ADAMTS19: variants seen among roughly 807,000 people sequenced by gnomAD.
The protein encoded by ADAMTS19 is ADAM metallopeptidase with thrombospondin type 1 motif 19.
ADAMTS19 carries 93 observed loss-of-function variants against 153.3 expected under a neutral mutation model. That is an observed-to-expected ratio of 0.61 (90% confidence interval 0.51 to 0.72). The LOEUF is 0.72. Among genes scored for constraint, ADAMTS19 ranks in the 30% least tolerant of loss-of-function variants. The pLI, the probability that ADAMTS19 is intolerant of heterozygous loss-of-function variation, is 0.00. For synonymous variants in ADAMTS19, 600 were observed against 556.6 expected (o/e 1.08, Z -1.10); for missense variants, 1,482 against 1,552.1 (o/e 0.95, Z 0.76).
At chr5:129,470,299 A>G (rs1187276796) in intron 2 of ADAMTS19, among the ~76,000 whole-genome samples, 1 of 152,194 alleles carries the variant, frequency 6.6e-6, no homozygotes, top group Non-Finnish European at 1.5e-5. Flanking sequence ...TTGCAATTAC[A>G]TTTTTAACCC....
At chr5:129,507,542 A>G (rs1751304360) in intron 2 of ADAMTS19, among the ~76,000 whole-genome samples, 1 of 152,076 alleles carries the variant, frequency 6.6e-6, no homozygotes, top group South Asian at 2.1e-4. Context: ...AAGTTATTTG[A>G]AGGCATATTA....
chr5:129,514,324 C>T (rs1444250812), intron 3 of ADAMTS19, among the ~76,000 whole-genome samples: 3 of 152,062 alleles, frequency 2.0e-5, no homozygotes, highest in Non-Finnish European at 4.4e-5. Flanking sequence ...ATTGCTGGAT[C>T]ATATGGTAGC....
At chr5:129,696,689 G>C (rs184556982) in intron 19 of ADAMTS19, among the ~76,000 whole-genome samples, 1 of 152,216 alleles carries the variant, frequency 6.6e-6, no homozygotes, top group East Asian at 1.9e-4. Context: ...GGCATAACTT[G>C]GTTTGGTCTA....
At chr5:129,556,499 GC>G (rs1024242268) in intron 7 of ADAMTS19, among the ~76,000 whole-genome samples, 5 of 152,128 alleles carry the variant, frequency 3.3e-5, no homozygotes, top group Admixed American at 3.3e-4. Flanking sequence ...GAGTGTATTT[GC>G]CCTAATCCCT....
chr5:129,722,150 G>T (rs1273047055), intron 21 of ADAMTS19, among the ~76,000 whole-genome samples: 1 of 152,170 alleles, frequency 6.6e-6, no homozygotes, highest in African/African-American at 2.4e-5. Context: ...TGGTATTTCT[G>T]GTTCTAGATC....
At chr5:129,733,650 AAAC>A (rs779415874) in intron 21 of ADAMTS19, among the ~76,000 whole-genome samples, 27 of 152,224 alleles carry the variant, frequency 1.8e-4, no homozygotes, top group Admixed American at 6.5e-4. Flanking sequence ...AAAAGACAAA[AAAC>A]AACAGATGTT....
At chr5:129,613,061 G>C (rs1751313218) in intron 8 of ADAMTS19, among the ~76,000 whole-genome samples, 3 of 152,070 alleles carry the variant, frequency 2.0e-5, no homozygotes, top group Non-Finnish European at 2.9e-5. Context: ...CCTACAAAGA[G>C]ACTTAGACTC....
intron 2 of ADAMTS19, among the ~76,000 whole-genome samples, chr5:129,489,531 C>CAAACA (rs917524260): frequency 2.6e-5 from 4 of 151,938 alleles, no homozygotes; most frequent in East Asian, 1.9e-4. Flanking sequence ...CTACAACCTA[C>CAAACA]AAACAAAACA....
intron 7 of ADAMTS19, among the ~76,000 whole-genome samples, chr5:129,574,288 T>A (rs560199180): frequency 6.6e-6 from 1 of 152,030 alleles, no homozygotes; most frequent in African/African-American, 2.4e-5. Context: ...TTTTTCGGCA[T>A]TTTTTTCTTT....
chr5:129,524,230 A>G (rs1751924264), intron 3 of ADAMTS19, among the ~76,000 whole-genome samples: 1 of 152,174 alleles, frequency 6.6e-6, no homozygotes, highest in South Asian at 2.1e-4. Context: ...TATTTAATAA[A>G]TGGTGCTGGG....
intron 21 of ADAMTS19, among the ~76,000 whole-genome samples, chr5:129,726,805 C>A (rs1275236249): frequency 2.6e-5 from 4 of 152,052 alleles, no homozygotes; most frequent in Admixed American, 1.3e-4. Context: ...AATTACAAAA[C>A]CCCTTATCCC....
At chr5:129,469,896 A>G (rs1580980135) in intron 2 of ADAMTS19, among the ~76,000 whole-genome samples, 1 of 152,184 alleles carries the variant, frequency 6.6e-6, no homozygotes, top group Non-Finnish European at 1.5e-5. Context: ...CATGGATAAT[A>G]TAGTTACATG....
At chr5:129,602,177 CTG>C (rs1750683161) in intron 8 of ADAMTS19, among the ~76,000 whole-genome samples, 7 of 152,330 alleles carry the variant, frequency 4.6e-5, no homozygotes, top group South Asian at 4.1e-4. Flanking sequence ...ACCGCAACCT[CTG>C]CCTCCTGGGT....
rs1295626313 is a variant in ADAMTS19, at chr5:129,596,584, T to C, written c.1398T>C (p.Cys466=). The C allele has an allele frequency of 6.2e-7, 1 of 1,608,016 alleles. No homozygotes were observed. Among genetic ancestry groups the C allele is most frequent in the Admixed American group, 1.7e-5 (1 of 59,008 alleles). The change falls in exon 8 of 23, where the codon TGT becomes TGC. Residue 466 remains cysteine (C), a synonymous_variant. Transcript: ENST00000274487. ...TVGIAYLSGM[C]SEKRKCIIAE... ...GTATAGCTTACTTGAGTGGAATGTG[T>C]AGTGAAAAGAGAAAATGTATTATTG...
At position 129,622,053 on chromosome 5, in the gene ADAMTS19, T is replaced by C. The variant is rs143398558; in HGVS notation, c.1620-145T>C. 422 of 773,422 alleles carry C rather than the reference T, an allele frequency of 5.5e-4. 3 individuals are homozygous for C. In the East Asian group the frequency reaches 0.012, roughly 21 times the overall value. The allele number at this position is 773,422 out of a possible 1,614,324, so 47.9% of individuals were successfully genotyped here. Reference sequence around the variant, plus strand: ...CATTGTAAATAAATGATTTTTGACATATAGAATAATTTCTATGAGTATTCA... The same window carrying C: ...CATTGTAAATAAATGATTTTTGACACATAGAATAATTTCTATGAGTATTCA... On this transcript the variant is annotated intron_variant, in intron 9 of 22. Coordinates refer to ENST00000274487, the MANE Select transcript of ADAMTS19 (RefSeq NM_133638.6).
intron 6 of ADAMTS19, among the ~76,000 whole-genome samples, chr5:129,533,844 C>T (rs1198342105): frequency 2.6e-5 from 4 of 151,958 alleles, no homozygotes; most frequent in South Asian, 4.2e-4. Context: ...GCCTTCATTT[C>T]GTTATGTACC....
intron 2 of ADAMTS19, among the ~76,000 whole-genome samples, chr5:129,487,944 T>G (rs955211014): frequency 6.6e-6 from 1 of 152,120 alleles, no homozygotes; most frequent in Non-Finnish European, 1.5e-5. Context: ...CATATCCATG[T>G]ATGGATTTGA....
At chr5:129,628,753 T>A (rs1256820387) in intron 10 of ADAMTS19, among the ~76,000 whole-genome samples, 4 of 152,106 alleles carry the variant, frequency 2.6e-5, no homozygotes, top group African/African-American at 9.7e-5. Flanking sequence ...CATTTCTATG[T>A]TTAGATGCAC....
At chr5:129,504,683 A>C (rs1255578302) in intron 2 of ADAMTS19, among the ~76,000 whole-genome samples, 2 of 151,988 alleles carry the variant, frequency 1.3e-5, no homozygotes, top group African/African-American at 4.8e-5. Context: ...CCTTCTGCTG[A>C]CCACCATTCT....
Sources: gnomAD v4.1 joint callset for allele counts (sites outside exome capture counted in the v4.1 genomes callset) on GRCh38, gnomAD v4.1.1 for gene constraint, MANE v1.5 for transcripts, NCBI Gene and HGNC (gene_info 2026-07-23, HGNC 2026-07-21) for gene names.